IHO1: variants seen among roughly 807,000 people sequenced by gnomAD.
IHO1 encodes interactor of HORMAD1 protein 1.
Under a neutral mutation model 31.0 loss-of-function variants are expected in IHO1, and 13 were observed. The ratio of observed to expected loss-of-function variants is 0.42; its 90% CI spans 0.27 to 0.67. The LOEUF (loss-of-function observed/expected upper bound fraction) is 0.67, where lower values mean the gene tolerates loss of function less well. IHO1 is among the 30% of genes least tolerant of loss of function. The pLI is 0.24. For synonymous variants in IHO1, 221 were observed against 248.4 expected, an observed-to-expected ratio of 0.89 and a Z score of 1.04; for missense variants, 599 against 687.5, an observed-to-expected ratio of 0.87 and a Z score of 1.44.
At chr3:49,229,330 C>T (rs1005613129) in intron 2 of IHO1, among the ~76,000 whole-genome samples, 5 of 152,132 alleles carry the variant, frequency 3.3e-5, no homozygotes, top group Non-Finnish European at 7.3e-5. Flanking sequence ...GTCTGTGGAC[C>T]CTTGCCAGCG....
At chr3:49,212,671 T>G (rs2046237409) in intron 2 of IHO1, among the ~76,000 whole-genome samples, 1 of 152,128 alleles carries the variant, frequency 6.6e-6, no homozygotes, top group Non-Finnish European at 1.5e-5. Context: ...TGTCCAGAGT[T>G]TGTTCCTTCT....
chr3:49,197,479 CTTTA>C (rs2046006373), upstream of IHO1, among the ~76,000 whole-genome samples: 1 of 152,014 alleles, frequency 6.6e-6, no homozygotes, highest in Non-Finnish European at 1.5e-5. Context: ...ATTTTTATAG[CTTTA>C]TTTAGGTAAA....
At chr3:49,202,395 T>A (rs1312204926) in intron 1 of IHO1, among the ~76,000 whole-genome samples, 1 of 149,894 alleles carries the variant, frequency 6.7e-6, no homozygotes, top group Non-Finnish European at 1.5e-5. Flanking sequence ...GCGCGATCTC[T>A]GCTCACTGCA....
chr3:49,211,847 TG>T lies in IHO1; in HGVS notation c.56+13del. 2 of 1,485,382 alleles carry T rather than the reference TG, an allele frequency of 1.3e-6. No homozygotes were observed. Among genetic ancestry groups the T allele is most frequent in the East Asian group, 2.3e-5 (1 of 44,152 alleles). The allele number at this position is 1,485,382 out of a possible 1,614,324, so 92.0% of individuals were successfully genotyped here. On this transcript the variant is annotated intron_variant, in intron 2 of 7. Transcript: ENST00000452691. ...TCCTTCAGGCTCTGGGTAAGTTTTC[TG>T]GTTATATTGTCTGATCCTTAAGAGG...
chr3:49,242,810 A>G (rs1325692874), intron 4 of IHO1, among the ~76,000 whole-genome samples: 1 of 152,176 alleles, frequency 6.6e-6, no homozygotes, highest in Non-Finnish European at 1.5e-5. Flanking sequence ...CATCTCAAAC[A>G]AACAAGCAAA....
intron 6 of IHO1, among the ~76,000 whole-genome samples, chr3:49,254,658 A>G (rs2046802238): frequency 6.6e-6 from 1 of 152,158 alleles, no homozygotes; most frequent in Admixed American, 6.6e-5. Context: ...GAGAGAGAAA[A>G]CAAGAGTCCA....
intron 2 of IHO1, among the ~76,000 whole-genome samples, chr3:49,224,881 C>G (rs1370756041): frequency 6.6e-6 from 1 of 152,178 alleles, no homozygotes; most frequent in African/African-American, 2.4e-5. Flanking sequence ...GCCATTCCCT[C>G]AAGGAGTAGC....
upstream of IHO1, among the ~76,000 whole-genome samples, chr3:49,194,977 G>A (rs184179988): frequency 4.6e-5 from 7 of 151,620 alleles, no homozygotes; most frequent in Non-Finnish European, 8.8e-5. Context: ...CTGGCTGGGT[G>A]TGATGGGTCA....
chr3:49,240,036 TTTC>T (rs1400070976), intron 3 of IHO1, among the ~76,000 whole-genome samples: 46 of 151,818 alleles, frequency 3.0e-4, no homozygotes, highest in African/African-American at 1.0e-3. Flanking sequence ...GGTGCTTTTT[TTTC>T]TTTTCTTTTC....
intron 1 of IHO1, among the ~76,000 whole-genome samples, chr3:49,206,272 A>G (rs2046135667): frequency 1.4e-5 from 2 of 144,528 alleles, no homozygotes; most frequent in African/African-American, 2.6e-5. Context: ...CAATTTTTGT[A>G]TTTTTAGTAG....
At chr3:49,227,830 G>A (rs2046434541) in intron 2 of IHO1, among the ~76,000 whole-genome samples, 1 of 152,116 alleles carries the variant, frequency 6.6e-6, no homozygotes, top group South Asian at 2.1e-4. Context: ...TATCATTTCT[G>A]AAGCTCCCCA....
chr3:49,205,805 T>C (rs1453662428), intron 1 of IHO1, among the ~76,000 whole-genome samples: 1 of 146,912 alleles, frequency 6.8e-6, no homozygotes, highest in East Asian at 2.0e-4. Context: ...GGTCTTGCTC[T>C]GTCGCCCAGG....
chr3:49,238,410 T>G (rs2046586528), intron 3 of IHO1, among the ~76,000 whole-genome samples: 1 of 151,902 alleles, frequency 6.6e-6, no homozygotes, highest in Admixed American at 6.6e-5. Context: ...ACAGGAGGAT[T>G]TTATTAAGGT....
Position 49,257,002 on chromosome 3 carries a change from T to G in IHO1, c.1505T>G (p.Leu502Arg). The G allele has an allele frequency of 6.2e-7, 1 of 1,614,206 alleles. No individual in the cohort carries two copies. The highest frequency in any genetic ancestry group is 8.5e-7 in the Non-Finnish European group (1 of 1,180,030). The change falls in exon 8 of 8, where the codon CTG becomes CGG. Residue 502 changes from leucine to arginine, a missense_variant. Leu to Arg is a moderately radical substitution (Grantham distance 102, BLOSUM62 -2). Coordinates refer to ENST00000452691, the MANE Select transcript of IHO1 (RefSeq NM_001135197.2). ...QQEPRAQPLHLQCPRSPRKPV... is the reference protein window; with the variant it reads ...QQEPRAQPLHRQCPRSPRKPV... ...GAACCCCGTGCTCAGCCTCTGCATCTGCAGTGTCCCAGGAGCCCCAGAAAA... is the reference window on the plus strand; with the variant it reads ...GAACCCCGTGCTCAGCCTCTGCATCGGCAGTGTCCCAGGAGCCCCAGAAAA...
chr3:49,192,206 A>C, the IHO1 span, among the ~76,000 whole-genome samples: 1 of 152,228 alleles, frequency 6.6e-6, no homozygotes, highest in Non-Finnish European at 1.5e-5. Context: ...TTTTAGGATA[A>C]AATTACTGCT....
chr3:49,211,588 A>T (rs1214860247), intron 1 of IHO1, among the ~76,000 whole-genome samples, 178 bp from the exon 2 acceptor site: 1 of 151,146 alleles, frequency 6.6e-6, no homozygotes, highest in African/African-American at 2.4e-5. Context: ...GAGCCACGGC[A>T]CTCCAGACTG....
chr3:49,194,492 AG>A (rs1053241026), upstream of IHO1, among the ~76,000 whole-genome samples: 4 of 146,120 alleles, frequency 2.7e-5, no homozygotes, highest in African/African-American at 9.9e-5. Context: ...TTTAGTAGAG[AG>A]GGGGTTTCAC....
chr3:49,244,229 C>CA (rs2046667457), intron 4 of IHO1, among the ~76,000 whole-genome samples, 175 bp from the exon 5 acceptor site: 1 of 151,102 alleles, frequency 6.6e-6, no homozygotes. Flanking sequence ...CTGGGACTCT[C>CA]TTTTTTTTTC....
chr3:49,250,929 C>T (rs1431379905), intron 6 of IHO1, among the ~76,000 whole-genome samples: 2 of 151,866 alleles, frequency 1.3e-5, no homozygotes, highest in Non-Finnish European at 2.9e-5. Flanking sequence ...GAGGCTGAGG[C>T]AGGAGAATCG....
Sources: allele counts gnomAD v4.1 joint callset (sites outside exome capture counted in the v4.1 genomes callset), GRCh38; gene constraint gnomAD v4.1.1; transcripts MANE v1.5; gene names NCBI Gene and HGNC (gene_info 2026-07-23, HGNC 2026-07-21).